Variants in NMBR observed in about 807,000 individuals in gnomAD.
NMBR encodes neuromedin-B receptor.
NMBR carries 16 observed loss-of-function variants against 20.5 expected under a neutral mutation model. The ratio of observed to expected loss-of-function variants is 0.78; its 90% CI spans 0.53 to 1.19. The LOEUF is 1.19. NMBR is among the 50% of genes most tolerant of loss of function. The pLI, the probability that NMBR is intolerant of heterozygous loss-of-function variation, is 0.00. For synonymous variants in NMBR, 212 were observed against 196.6 expected (o/e 1.08, Z -0.65); for missense variants, 582 against 499.1 (o/e 1.17, Z -1.58).
At position 142,134,502 on chromosome 6, in the gene NMBR, T is replaced by G. The variant is rs148069821; in HGVS notation, c.-664+12542A>C. The G allele has an allele frequency of 3.4e-3, 1,644 of 479,966 alleles. 5 individuals carry two copies. Among genetic ancestry groups the G allele is most frequent in the Admixed American group, 4.7e-3 (124 of 26,286 alleles). 29.7% of individuals were successfully genotyped at this position (479,966 alleles called of 1,614,324 possible). On this transcript the variant is annotated intron_variant, in intron 1 of 3. Coordinates refer to ENST00000258042, the MANE Select transcript of NMBR (RefSeq NM_002511.4). Reference sequence around the variant, plus strand: ...TTTAGTTACATATTGATTAATTGATTTACTAAGATATTTCTGACATACTTT... The same window carrying G: ...TTTAGTTACATATTGATTAATTGATGTACTAAGATATTTCTGACATACTTT...
Position 142,088,268 on chromosome 6 carries a change from C to T in NMBR, c.391G>A (p.Val131Met), listed in dbSNP as rs201782506. ...VIQLTSVGVS[V>M]FTLTALSADR... ...GCGCTGAGGGCAGTGAGAGTGAACACGGAAACCCCCACGGAAGTGAGCTGG... is the reference window on the plus strand; with the variant it reads ...GCGCTGAGGGCAGTGAGAGTGAACATGGAAACCCCCACGGAAGTGAGCTGG... Residue 131 changes from valine to methionine, a missense_variant, in exon 2 of 4, where the codon GTG becomes ATG. Transcript: ENST00000258042. 5.6e-5 allele frequency: 90 copies of T among 1,613,122 alleles called. No homozygotes were observed. Among genetic ancestry groups the T allele is most frequent in the African/African-American group, 9.3e-5 (7 of 74,906 alleles).
At chr6:142,085,082 C>T (rs1330470238) in intron 2 of NMBR, among the ~76,000 whole-genome samples, 1 of 152,072 alleles carries the variant, frequency 6.6e-6, no homozygotes, top group Non-Finnish European at 1.5e-5. Context: ...CCACTATCAC[C>T]ACTTCATACC....
rs1401306376 is a variant in NMBR, at chr6:142,143,709, A to G, written c.-664+3335T>C. ...AAAATCCTAGGAAACTTATATAGAAATTGACAAGCTGTTTCTAAAATTTAT... is the reference window on the plus strand; with the variant it reads ...AAAATCCTAGGAAACTTATATAGAAGTTGACAAGCTGTTTCTAAAATTTAT... On this transcript the variant is annotated intron_variant, in intron 1 of 3. Transcript: ENST00000258042. Among the ~76,000 whole-genome samples, 4 of 152,166 alleles carry G rather than the reference A, an allele frequency of 2.6e-5. No homozygotes were observed. The East Asian group carries it at 7.7e-4, about 29-fold the overall frequency.
chr6:142,142,672 T>A (rs924784014), intron 1 of NMBR, among the ~76,000 whole-genome samples: 10 of 151,838 alleles, frequency 6.6e-5, no homozygotes, highest in South Asian at 4.1e-4. Context: ...CATATATATA[T>A]AAATATATAT....
At chr6:142,115,629 A>G (rs1053352280) in intron 1 of NMBR, among the ~76,000 whole-genome samples, 4 of 152,148 alleles carry the variant, frequency 2.6e-5, no homozygotes, top group African/African-American at 7.2e-5. Context: ...CCTGAACTAC[A>G]CTAGTGTAGA....
chr6:142,122,533 C>G (rs942335507), intron 1 of NMBR, among the ~76,000 whole-genome samples: 1 of 151,958 alleles, frequency 6.6e-6, no homozygotes, highest in Admixed American at 6.6e-5. Flanking sequence ...GTATATCAAA[C>G]AGCTTTATAC....
intron 1 of NMBR, among the ~76,000 whole-genome samples, chr6:142,094,978 C>T (rs950899538): frequency 6.6e-6 from 1 of 152,140 alleles, no homozygotes; most frequent in African/African-American, 2.4e-5. Context: ...TATAAGAATG[C>T]TTGTGATTTT....
At chr6:142,115,210 G>A (rs572943890) in intron 1 of NMBR, among the ~76,000 whole-genome samples, 1 of 152,122 alleles carries the variant, frequency 6.6e-6, no homozygotes, top group African/African-American at 2.4e-5. Context: ...CTTTTACTCA[G>A]TTGATCAGGA....
intron 1 of NMBR, chr6:142,133,868 A>C (rs1778194596): frequency 1.4e-6 from 1 of 693,800 alleles, no homozygotes; most frequent in African/African-American, 1.8e-5. Flanking sequence ...TCCAACTGTG[A>C]TTGGTCAATT....
chr6:142,087,398 A>T (rs2114565069), intron 2 of NMBR, among the ~76,000 whole-genome samples: 1 of 152,040 alleles, frequency 6.6e-6, no homozygotes, highest in South Asian at 2.1e-4. Flanking sequence ...ATTTTTCCCC[A>T]CCCCTATCCA....
chr6:142,081,589 G>A (rs1345743997), intron 2 of NMBR, among the ~76,000 whole-genome samples: 1 of 152,136 alleles, frequency 6.6e-6, no homozygotes, highest in Non-Finnish European at 1.5e-5. Flanking sequence ...ACAGATTACT[G>A]AAGTGTTATT....
At chr6:142,080,154 A>T (rs1055343127) in intron 2 of NMBR, among the ~76,000 whole-genome samples, 1 of 151,938 alleles carries the variant, frequency 6.6e-6, no homozygotes, top group Non-Finnish European at 1.5e-5. Context: ...TTTAATTTCT[A>T]AGATATTCTG....
At chr6:142,120,590 C>A (rs977665501) in intron 1 of NMBR, among the ~76,000 whole-genome samples, 6 of 151,850 alleles carry the variant, frequency 4.0e-5, no homozygotes, top group Non-Finnish European at 8.8e-5. Flanking sequence ...GAAATACAAA[C>A]AGGGCTGAAA....
intron 1 of NMBR, among the ~76,000 whole-genome samples, chr6:142,122,117 G>T (rs1006613668): frequency 6.6e-6 from 1 of 151,924 alleles, no homozygotes; most frequent in African/African-American, 2.4e-5. Flanking sequence ...CCCACTGCTA[G>T]CTCTGGAATA....
intron 1 of NMBR, among the ~76,000 whole-genome samples, chr6:142,115,370 A>G (rs544567942): frequency 1.3e-5 from 2 of 152,116 alleles, no homozygotes; most frequent in Non-Finnish European, 2.9e-5. Flanking sequence ...GGCCTATTTG[A>G]GGTATAGGAG....
intron 1 of NMBR, among the ~76,000 whole-genome samples, chr6:142,096,778 A>G (rs1160733045): frequency 6.6e-6 from 1 of 151,898 alleles, no homozygotes; most frequent in African/African-American, 2.4e-5. Context: ...GGGGTGTTAA[A>G]GTCTCCCATT....
At chr6:142,077,575 TA>T (rs1422501772) in intron 3 of NMBR, among the ~76,000 whole-genome samples, 1 of 152,220 alleles carries the variant, frequency 6.6e-6, no homozygotes, top group African/African-American at 2.4e-5. Flanking sequence ...TTTAAGTCTT[TA>T]AAGCCGATGT....
rs1777010548 is a variant in NMBR, at chr6:142,078,743, A to G, written c.583T>C (p.Phe195Leu). The G allele has an allele frequency of 1.9e-6, 3 of 1,614,056 alleles. No individual in the cohort carries two copies. Among genetic ancestry groups the G allele is most frequent in the African/African-American group, 1.3e-5 (1 of 74,998 alleles). The change falls in exon 3 of 4, where the codon TTC becomes CTC. Residue 195 changes from phenylalanine (F) to leucine (L), a missense_variant. Coordinates refer to ENST00000258042, the MANE Select transcript of NMBR (RefSeq NM_002511.4). ...ARISSLDNSS[F>L]TACIPYPQTD... ...TGAGGGTATGGGATACATGCTGTGA[A>G]GCTGCTATTATCCAAGCTACTGATG...
At chr6:142,101,555 C>G (rs1384885975) in intron 1 of NMBR, among the ~76,000 whole-genome samples, 2 of 152,042 alleles carry the variant, frequency 1.3e-5, no homozygotes, top group Non-Finnish European at 2.9e-5. Context: ...GGTGGAATCT[C>G]CTGTTTACAG....
Sources: allele counts gnomAD v4.1 joint callset (sites outside exome capture counted in the v4.1 genomes callset), GRCh38; gene constraint gnomAD v4.1.1; transcripts MANE v1.5; gene names NCBI Gene and HGNC (gene_info 2026-07-23, HGNC 2026-07-21).